The following STK17A variants were observed in gnomAD, a reference collection of about 807,000 sequenced individuals.
The protein encoded by STK17A is serine/threonine-protein kinase 17A.
Under a neutral mutation model 43.7 loss-of-function variants are expected in STK17A, and 26 were observed. That is an observed-to-expected ratio of 0.60 (90% CI 0.44 to 0.83). The LOEUF is 0.83. Ranked by LOEUF, STK17A falls within the 40% of genes least tolerant of loss-of-function variation. STK17A has a pLI of 0.00. For missense variants in STK17A, 476 were observed against 511.6 expected (o/e 0.93, Z 0.67); for synonymous variants, 191 against 182.5 (o/e 1.05, Z -0.38).
chr7:43,606,545 A>G (rs145094820), intron 2 of STK17A, among the ~76,000 whole-genome samples: 1 of 152,326 alleles, frequency 6.6e-6, no homozygotes, highest in East Asian at 1.9e-4. Flanking sequence ...TTTTGTTAAC[A>G]GTTTTTTAAT....
At chr7:43,593,961 T>G (rs752724254) in intron 1 of STK17A, among the ~76,000 whole-genome samples, 3 of 152,200 alleles carry the variant, frequency 2.0e-5, no homozygotes, top group Non-Finnish European at 4.4e-5. Flanking sequence ...CATGTCAAGT[T>G]TTTTAACAAT....
intron 2 of STK17A, among the ~76,000 whole-genome samples, chr7:43,596,958 T>A (rs2082520086): frequency 6.6e-6 from 1 of 150,532 alleles, no homozygotes; most frequent in Non-Finnish European, 1.5e-5. Flanking sequence ...AGTCCAGGAG[T>A]TTGAGATCAG....
chr7:43,595,554 C>A (rs559012612), intron 1 of STK17A, among the ~76,000 whole-genome samples: 19 of 152,292 alleles, frequency 1.2e-4, no homozygotes, highest in Admixed American at 1.1e-3. Flanking sequence ...GCTGAGATTA[C>A]AAAGGTGCAC....
intron 3 of STK17A, among the ~76,000 whole-genome samples, chr7:43,617,944 C>G (rs767881636): frequency 6.6e-6 from 1 of 152,060 alleles, no homozygotes; most frequent in African/African-American, 2.4e-5. Context: ...AACATATAAA[C>G]AAGGAAGGAG....
At chr7:43,606,865 G>T (rs985805883) in intron 2 of STK17A, among the ~76,000 whole-genome samples, 1 of 146,480 alleles carries the variant, frequency 6.8e-6, no homozygotes, top group East Asian at 2.0e-4. Context: ...CTTTTTTTTT[G>T]AGAGGAATGA....
At chr7:43,598,104 T>C (rs972787667) in intron 2 of STK17A, among the ~76,000 whole-genome samples, 1 of 152,184 alleles carries the variant, frequency 6.6e-6, no homozygotes, top group Non-Finnish European at 1.5e-5. Flanking sequence ...TACATGTTTT[T>C]ACAAACATAA....
At chr7:43,589,401 A>G (rs1181387135) in intron 1 of STK17A, among the ~76,000 whole-genome samples, 1 of 151,444 alleles carries the variant, frequency 6.6e-6, no homozygotes, top group Non-Finnish European at 1.5e-5. Flanking sequence ...ACATTATTTT[A>G]CTTCCCCTTT....
Position 43,610,074 on chromosome 7 carries a change from C to T in STK17A, c.564+1674C>T, listed in dbSNP as rs145654540. Among the ~76,000 whole-genome samples, 732 of 152,264 alleles carry T rather than the reference C, an allele frequency of 4.8e-3. 4 individuals carry two copies. The highest frequency in any genetic ancestry group is 0.017 in the African/African-American group (695 of 41,550). ...ATTGCTATATGGCCAGGGCCGGGCGCGGTGGCTCACGCCTGTAATCCCAGC... is the reference window on the plus strand; with the variant it reads ...ATTGCTATATGGCCAGGGCCGGGCGTGGTGGCTCACGCCTGTAATCCCAGC... On this transcript the variant is annotated intron_variant, in intron 3 of 6. Coordinates refer to ENST00000319357, the MANE Select transcript of STK17A (RefSeq NM_004760.3).
intron 2 of STK17A, among the ~76,000 whole-genome samples, chr7:43,598,609 A>G (rs1428461421): frequency 2.0e-5 from 3 of 152,218 alleles, no homozygotes; most frequent in Non-Finnish European, 4.4e-5. Flanking sequence ...TCTTTTGACA[A>G]AATTGATCGA....
At chr7:43,610,495 A>G (rs1015136653) in intron 3 of STK17A, among the ~76,000 whole-genome samples, 27 of 151,536 alleles carry the variant, frequency 1.8e-4, no homozygotes, top group African/African-American at 5.8e-4. Flanking sequence ...GTGAAATCCC[A>G]TGTCTACTAA....
At position 43,608,384 on chromosome 7, in the gene STK17A, TTCA is replaced by T. The variant is rs1394724377; in HGVS notation, c.551_553del (p.His184del). The T allele has an allele frequency of 1.9e-6, 3 of 1,603,074 alleles. No homozygotes were observed. Among genetic ancestry groups the T allele is most frequent in the Non-Finnish European group, 2.5e-6 (3 of 1,176,916 alleles). ...CACTTTTTACACACTCGTGATGTAG[TTCA>T]TCTTGATTTGAAGGTAAGATTCAAA... On this transcript the variant is annotated inframe_deletion, in exon 3 of 7. Coordinates refer to ENST00000319357, the MANE Select transcript of STK17A (RefSeq NM_004760.3).
intron 6 of STK17A, among the ~76,000 whole-genome samples, chr7:43,624,156 A>C (rs564843317): frequency 1.3e-5 from 2 of 152,358 alleles, no homozygotes; most frequent in South Asian, 4.1e-4. Context: ...ATTAATTAGC[A>C]AAACTGTATT....
chr7:43,624,769 A>C lies in STK17A; in HGVS notation c.1172A>C (p.Gln391Pro), dbSNP rs150230872. 6.2e-7 allele frequency: 1 copy of C among 1,613,352 alleles called. No individual in the cohort carries two copies. Among genetic ancestry groups the C allele is most frequent in the African/African-American group, 1.3e-5 (1 of 74,924 alleles). Residue 391 changes from glutamine to proline, a missense_variant, in exon 7 of 7, where the codon CAA becomes CCA. Transcript: ENST00000319357. ...CRQSEKEKME[Q>P]KAISKRFKFE... Reference sequence around the variant, plus strand: ...CAGTCTGAAAAAGAGAAAATGGAGCAAAAGGCCATTTCCAAACGATTTAAA... The same window carrying C: ...CAGTCTGAAAAAGAGAAAATGGAGCCAAAGGCCATTTCCAAACGATTTAAA...
intron 6 of STK17A, among the ~76,000 whole-genome samples, chr7:43,624,217 GA>G (rs1361715424): frequency 6.6e-6 from 1 of 152,154 alleles, no homozygotes; most frequent in East Asian, 1.9e-4. Context: ...ATGGTTAGTA[GA>G]AATTGACAGT....
At position 43,583,303 on chromosome 7, in the gene STK17A, G is replaced by T. The variant is rs1477821278; in HGVS notation, c.60G>T (p.Ser20=). The change falls in exon 1 of 7, where the codon TCG becomes TCT. Residue 20 remains serine (S), a synonymous_variant. Coordinates refer to ENST00000319357, the MANE Select transcript of STK17A (RefSeq NM_004760.3). The part of the protein sequence containing the change: ...GGSSPGATSG[S]GRAGRGLSGP... ...CCTCCCCAGGCGCCACCTCAGGCTC[G>T]GGCCGGGCAGGCCGGGGTCTGAGCG... The T allele has an allele frequency of 6.6e-7, 1 of 1,526,172 alleles. No homozygotes were observed. Among genetic ancestry groups the T allele is most frequent in the South Asian group, 1.2e-5 (1 of 81,710 alleles). The allele number at this position is 1,526,172 out of a possible 1,614,324, so 94.5% of individuals were successfully genotyped here. A position where few individuals can be genotyped will look rare whatever the true frequency, so the allele number is the denominator to read the frequency against.
intron 2 of STK17A, among the ~76,000 whole-genome samples, chr7:43,604,236 G>A (rs10279856): frequency 0.59 from 89,365 of 151,964 alleles, 26,451 homozygotes; most frequent in Non-Finnish European, 0.63. Flanking sequence ...AGGTTGTGCT[G>A]TATTACAAAT....
chr7:43,585,055 G>T (rs1204819012), intron 1 of STK17A, among the ~76,000 whole-genome samples: 1 of 152,114 alleles, frequency 6.6e-6, no homozygotes, highest in South Asian at 2.1e-4. Context: ...TAATTAGCTG[G>T]GCCTGGTGGT....
intron 3 of STK17A, among the ~76,000 whole-genome samples, chr7:43,618,130 T>C (rs1396365305): frequency 6.6e-6 from 1 of 152,072 alleles, no homozygotes; most frequent in African/African-American, 2.4e-5. Flanking sequence ...AGGACCAATG[T>C]GATGGAGACA....
At chr7:43,613,170 G>A (rs1356579512) in intron 3 of STK17A, among the ~76,000 whole-genome samples, 1 of 152,178 alleles carries the variant, frequency 6.6e-6, no homozygotes, top group Non-Finnish European at 1.5e-5. Flanking sequence ...TTTCAGCAGT[G>A]TTAGTACAGT....
Sources: allele counts gnomAD v4.1 joint callset (sites outside exome capture counted in the v4.1 genomes callset), GRCh38; gene constraint gnomAD v4.1.1; transcripts MANE v1.5; gene names NCBI Gene and HGNC (gene_info 2026-07-23, HGNC 2026-07-21).